The following ARHGDIA variants were observed in gnomAD, a reference collection of about 807,000 sequenced individuals.
ARHGDIA encodes Rho GDP dissociation inhibitor alpha.
ARHGDIA carries 9 observed loss-of-function variants against 25.0 expected under a neutral mutation model. The ratio of observed to expected loss-of-function variants is 0.36; its 90% CI spans 0.22 to 0.63. ARHGDIA has a LOEUF of 0.63. Ranked by LOEUF, ARHGDIA falls within the 20% of genes least tolerant of loss-of-function variation. The probability of loss-of-function intolerance (pLI) is 0.69; values close to 1 mark genes in which losing one functional copy is unlikely to be tolerated. For missense variants in ARHGDIA, 239 were observed against 264.3 expected (o/e 0.90, Z 0.66); for synonymous variants, 166 against 111.5 (o/e 1.49, Z -3.08).
In ARHGDIA at chr17:81,868,450, G is replaced by A. The variant is rs745888774; in HGVS notation, c.*426C>T. On this transcript the variant is annotated 3_prime_UTR_variant, in exon 6 of 6. Coordinates refer to ENST00000269321, the MANE Select transcript of ARHGDIA (RefSeq NM_004309.6). Reference sequence around the variant, plus strand: ...GGCTGGAGGACGGCCCGGCCCCCACGAGGCCGTGCATCCCACACCCCAGCT... The same window carrying A: ...GGCTGGAGGACGGCCCGGCCCCCACAAGGCCGTGCATCCCACACCCCAGCT... The A allele has an allele frequency of 5.4e-6, 8 of 1,487,842 alleles. No individual in the cohort carries two copies. The highest frequency in any genetic ancestry group is 3.5e-4 in the Middle Eastern group (2 of 5,718). The allele number at this position is 1,487,842 out of a possible 1,614,324, so 92.2% of individuals were successfully genotyped here. A position where few individuals can be genotyped will look rare whatever the true frequency, so the allele number is the denominator to read the frequency against.
In ARHGDIA at chr17:81,867,961, GGAC is replaced by G; in HGVS notation, c.*912_*914del. 5.9e-6 allele frequency: 1 copy of G among 168,076 alleles called. No individual in the cohort carries two copies. The highest frequency in any genetic ancestry group is 2.4e-5 in the African/African-American group (1 of 42,168). 10.4% of individuals were successfully genotyped at this position (168,076 alleles called of 1,614,324 possible). On this transcript the variant is annotated 3_prime_UTR_variant, in exon 6 of 6. Transcript: ENST00000269321. ...CAGGCCAGTGGCCCAGGGACGGCAC[GGAC>G]GGAGGCAATAAATACTGATGGCCAG...
chr17:81,869,428 C>G, intron 3 of ARHGDIA, 22 bp from the exon 4 acceptor site: 1 of 1,613,502 alleles, frequency 6.2e-7, no homozygotes, highest in African/African-American at 1.3e-5. Context: ...ACCTCCCCCT[C>G]AATGACTGCC....
intron 1 of ARHGDIA, chr17:81,870,535 G>A (rs527780720): frequency 2.7e-4 from 42 of 152,958 alleles, no homozygotes; most frequent in African/African-American, 8.2e-4. Flanking sequence ...CTCCACAATT[G>A]TGAGGGTCTG....
In ARHGDIA at chr17:81,868,201, G is replaced by T; in HGVS notation, c.*675C>A. The T allele has an allele frequency of 2.8e-6, 2 of 704,352 alleles. No individual in the cohort carries two copies. The highest frequency in any genetic ancestry group is 1.8e-5 in the African/African-American group (1 of 56,052). 43.6% of individuals were successfully genotyped at this position (704,352 alleles called of 1,614,324 possible). A position where few individuals can be genotyped will look rare whatever the true frequency, so the allele number is the denominator to read the frequency against. On this transcript the variant is annotated 3_prime_UTR_variant, in exon 6 of 6. Transcript: ENST00000269321. ...CATCTCCACAGCCCTGTCCAGGGAA[G>T]GGGGCAGGCTGGCCAGGCACTGGTG... is the stretch of plus-strand genomic sequence containing the variant.
In ARHGDIA at chr17:81,869,256, G is replaced by C; in HGVS notation, c.352-20C>G. ...GTTAACCTGCAGGACCCGAAGCGAG[G>C]ATCAGGGAAGGTCGGTCCGGACCCC... On this transcript the variant is annotated intron_variant, in intron 4 of 5. Coordinates refer to ENST00000269321, the MANE Select transcript of ARHGDIA (RefSeq NM_004309.6). 1 of 1,614,128 alleles carries C rather than the reference G, an allele frequency of 6.2e-7. No homozygotes were observed.
rs1292324802 is a variant in ARHGDIA, at chr17:81,868,640, C to T, written c.*236G>A. 5.9e-6 allele frequency: 9 copies of T among 1,535,234 alleles called. No individual in the cohort carries two copies. The East Asian group carries it at 1.5e-4, about 25-fold the overall frequency. On this transcript the variant is annotated 3_prime_UTR_variant, in exon 6 of 6. Coordinates refer to ENST00000269321, the MANE Select transcript of ARHGDIA (RefSeq NM_004309.6). ...TGGCTGCGGCCTCTCTCCCCCACAGCACAGGCAGAAGCAGCAACGAGACAG... is the reference window on the plus strand; with the variant it reads ...TGGCTGCGGCCTCTCTCCCCCACAGTACAGGCAGAAGCAGCAACGAGACAG...
intron 1 of ARHGDIA, 132 bp from the exon 2 acceptor site, chr17:81,870,089 C>T (rs2039242187): frequency 2.3e-6 from 2 of 853,232 alleles, no homozygotes; most frequent in Non-Finnish European, 3.5e-6. Flanking sequence ...TCCACCCCCG[C>T]GATTCCTGCT....
Position 81,868,835 on chromosome 17 carries a change from TCGTC to T in ARHGDIA, c.*37_*40del, listed in dbSNP as rs779870102. 2 of 1,612,386 alleles carry T rather than the reference TCGTC, an allele frequency of 1.2e-6. No individual in the cohort carries two copies. The highest frequency in any genetic ancestry group is 2.2e-5 in the South Asian group (2 of 90,592). On this transcript the variant is annotated 3_prime_UTR_variant, in exon 6 of 6. Coordinates refer to ENST00000269321, the MANE Select transcript of ARHGDIA (RefSeq NM_004309.6). ...TGGGGGGGACACATCCGCCTGTCCGTCGTCCGTCCGTCAGTCTGCCCTGCCCGCC... is the reference window on the plus strand; with the variant it reads ...TGGGGGGGACACATCCGCCTGTCCGTCGTCCGTCAGTCTGCCCTGCCCGCC...
chr17:81,868,503 C>T lies in ARHGDIA; in HGVS notation c.*373G>A. 6.5e-7 allele frequency: 1 copy of T among 1,529,842 alleles called. No individual in the cohort carries two copies. Among genetic ancestry groups the T allele is most frequent in the Non-Finnish European group, 8.7e-7 (1 of 1,143,020 alleles). 94.8% of individuals were successfully genotyped at this position (1,529,842 alleles called of 1,614,324 possible). Reference sequence around the variant, plus strand: ...ACCCCGGAGCAGCAGACGCACACGTCCAGGGGCAACCACGGGGCCTGGAGA... The same window carrying T: ...ACCCCGGAGCAGCAGACGCACACGTTCAGGGGCAACCACGGGGCCTGGAGA... On this transcript the variant is annotated 3_prime_UTR_variant, in exon 6 of 6. Coordinates refer to ENST00000269321, the MANE Select transcript of ARHGDIA (RefSeq NM_004309.6).
chr17:81,868,727 G>GGT lies in ARHGDIA; in HGVS notation c.*147_*148dup, dbSNP rs2039147888. The GGT allele has an allele frequency of 6.5e-7, 1 of 1,534,082 alleles. No individual in the cohort carries two copies. The highest frequency in any genetic ancestry group is 8.7e-7 in the Non-Finnish European group (1 of 1,145,738). ...CTGAGGAGGGGGGTCGGAGGCACTC[G>GGT]GTTGAGCCAGGCCAGGGAGGCGGAC... is the stretch of plus-strand genomic sequence containing the variant. On this transcript the variant is annotated 3_prime_UTR_variant, in exon 6 of 6. Coordinates refer to ENST00000269321, the MANE Select transcript of ARHGDIA (RefSeq NM_004309.6).
At position 81,868,885 on chromosome 17, in the gene ARHGDIA, C is replaced by G. The variant is rs777777300; in HGVS notation, c.606G>C (p.Trp202Cys). The G allele has an allele frequency of 1.9e-6, 3 of 1,613,694 alleles. No homozygotes were observed. The highest frequency in any genetic ancestry group is 2.2e-5 in the South Asian group (2 of 91,084). ...CCGCCTCTGGCTGGGCTCAGTCCTT[C>G]CAGTCCTTCTTGATGGTGAGATTCC... Reference protein sequence around the residue: ...WEWNLTIKKDWKD With the variant: ...WEWNLTIKKDCKD Residue 202 changes from tryptophan (W) to cysteine (C), a missense_variant, in exon 6 of 6, where the codon TGG (tryptophan) becomes TGC (cysteine). Physicochemically the swap from Trp to Cys is radical, Grantham distance 215. Transcript: ENST00000269321.
chr17:81,869,469 G>A (rs2143425287), intron 3 of ARHGDIA, 63 bp from the exon 4 acceptor site: 5 of 1,611,206 alleles, frequency 3.1e-6, no homozygotes, highest in South Asian at 2.2e-5. Context: ...CCAGCCCTGC[G>A]CGGCCCCCTG....
chr17:81,869,109 C>T (rs377159229), intron 5 of ARHGDIA, 34 bp from the exon 6 acceptor site: 6 of 1,612,748 alleles, frequency 3.7e-6, no homozygotes, highest in Non-Finnish European at 5.1e-6. Flanking sequence ...TCAGCGGCCC[C>T]GCTTCCCCGC....
chr17:81,868,539 C>T lies in ARHGDIA; in HGVS notation c.*337G>A, dbSNP rs1214788123. 1.8e-5 allele frequency: 27 copies of T among 1,533,080 alleles called. No individual in the cohort carries two copies. The highest frequency in any genetic ancestry group is 2.3e-5 in the Non-Finnish European group (26 of 1,145,198). 95.0% of individuals were successfully genotyped at this position (1,533,080 alleles called of 1,614,324 possible). On this transcript the variant is annotated 3_prime_UTR_variant, in exon 6 of 6. Transcript: ENST00000269321. ...CACGGGGCCTGGAGAATGGCTGCTCCGCTCCCTCCTGAAGCCAGGCCTCGG... is the reference window on the plus strand; with the variant it reads ...CACGGGGCCTGGAGAATGGCTGCTCTGCTCCCTCCTGAAGCCAGGCCTCGG...
At position 81,868,231 on chromosome 17, in the gene ARHGDIA, G is replaced by C; in HGVS notation, c.*645C>G. The stretch of plus-strand genomic sequence containing the variant: ...CAGGCTGGCCAGGCACTGGTGGGCT[G>C]GGGAGCAGCAGCAGCACACCCCACG... On this transcript the variant is annotated 3_prime_UTR_variant, in exon 6 of 6. Coordinates refer to ENST00000269321, the MANE Select transcript of ARHGDIA (RefSeq NM_004309.6). 1 of 872,676 alleles carries C rather than the reference G, an allele frequency of 1.1e-6. No homozygotes were observed. Among genetic ancestry groups the C allele is most frequent in the East Asian group, 2.8e-5 (1 of 36,108 alleles). 54.1% of individuals were successfully genotyped at this position (872,676 alleles called of 1,614,324 possible).
intron 1 of ARHGDIA, 88 bp from the exon 2 acceptor site, chr17:81,870,045 C>A: frequency 1.5e-6 from 2 of 1,329,014 alleles, no homozygotes; most frequent in Non-Finnish European, 2.0e-6. Context: ...GCCGGAGCTC[C>A]AAAAGGGCTC....
chr17:81,868,482 C>T lies in ARHGDIA; in HGVS notation c.*394G>A, dbSNP rs140429915. On this transcript the variant is annotated 3_prime_UTR_variant, in exon 6 of 6. Coordinates refer to ENST00000269321, the MANE Select transcript of ARHGDIA (RefSeq NM_004309.6). ...TGCATCCCACACCCCAGCTCCACCC[C>T]GGAGCAGCAGACGCACACGTCCAGG... is the stretch of plus-strand genomic sequence containing the variant. 241 of 1,523,314 alleles carry T rather than the reference C, an allele frequency of 1.6e-4. No homozygotes were observed. Among genetic ancestry groups the T allele is most frequent in the African/African-American group, 1.1e-3 (79 of 72,992 alleles). 94.4% of individuals were successfully genotyped at this position (1,523,314 alleles called of 1,614,324 possible).
At chr17:81,870,941 G>A (rs1390137332) in intron 1 of ARHGDIA, 1 of 151,128 alleles carries the variant, frequency 6.6e-6, no homozygotes, top group Non-Finnish European at 1.5e-5. Flanking sequence ...CGTCCCCAAG[G>A]AGGGGCCCTC....
Position 81,869,571 on chromosome 17 carries a change from G to C in ARHGDIA, c.245C>G (p.Ala82Gly). 6.5e-7 allele frequency: 1 copy of C among 1,548,164 alleles called. No homozygotes were observed. Among genetic ancestry groups the C allele is most frequent in the Non-Finnish European group, 8.7e-7 (1 of 1,150,456 alleles). ...VTGLTLVCSSAPGPLELDLTG... is the reference protein window; with the variant it reads ...VTGLTLVCSSGPGPLELDLTG... ...CAGGTCCAGCTCCAGGGGGCCCGGGGCCGAGCTGCACACCAGGGTCAGGCC... is the reference window on the plus strand; with the variant it reads ...CAGGTCCAGCTCCAGGGGGCCCGGGCCCGAGCTGCACACCAGGGTCAGGCC... The change falls in exon 3 of 6, where the codon GCC (alanine) becomes GGC (glycine). Residue 82 changes from alanine to glycine, a missense_variant. Ala to Gly is a moderately conservative substitution (Grantham distance 60, BLOSUM62 0). Transcript: ENST00000269321.
Sources: gnomAD v4.1 joint callset for allele counts on GRCh38, gnomAD v4.1.1 for gene constraint, MANE v1.5 for transcripts, NCBI Gene and HGNC (gene_info 2026-07-23, HGNC 2026-07-21) for gene names.